The following CPSF4L variants were observed in gnomAD, a reference collection of about 807,000 sequenced individuals.
The protein encoded by CPSF4L is cleavage and polyadenylation specific factor 4 like, also known as putative cleavage and polyadenylation specificity factor subunit 4-like protein.
A neutral mutation model predicts 24.0 loss-of-function variants in CPSF4L; 18 were observed. The observed-to-expected ratio is 0.75, with a 90% CI of 0.52 to 1.11. The LOEUF is 1.11. Among genes scored for constraint, CPSF4L ranks in the 50% least tolerant of loss-of-function variants. The pLI, the probability that CPSF4L is intolerant of heterozygous loss-of-function variation, is 0.00. For synonymous variants in CPSF4L, 72 were observed against 77.2 expected (o/e 0.93, Z 0.35); for missense variants, 211 against 221.8 (o/e 0.95, Z 0.31).
At chr17:73,260,873 G>A (rs1253156199) in intron 2 of CPSF4L, 60 bp downstream of exon 2, 1 of 1,420,542 alleles carries the variant, frequency 7.0e-7, no homozygotes, top group East Asian at 2.5e-5. Context: ...CCTGCTGGGT[G>A]TAGCTCAGAC....
intron 2 of CPSF4L, 52 bp downstream of exon 2, chr17:73,260,881 G>C (rs766302069): frequency 2.7e-6 from 4 of 1,478,316 alleles, no homozygotes; most frequent in Admixed American, 2.0e-5. Flanking sequence ...GTGTAGCTCA[G>C]ACAGACCCTA....
At chr17:73,242,759 T>A in the CPSF4L span, 1 of 641,796 alleles carries the variant, frequency 1.6e-6, no homozygotes, top group South Asian at 2.0e-5. Flanking sequence ...TTAGCCTTTA[T>A]GTGTTTAAAA....
chr17:73,251,768 T>C (rs554379408), intron 5 of CPSF4L, among the ~76,000 whole-genome samples: 1 of 152,380 alleles, frequency 6.6e-6, no homozygotes, highest in South Asian at 2.1e-4. Context: ...CCACAGGCTG[T>C]AGTTTACCAA....
chr17:73,263,260 C>T (rs1386537164), upstream of CPSF4L, among the ~76,000 whole-genome samples: 1 of 152,206 alleles, frequency 6.6e-6, no homozygotes, highest in East Asian at 1.9e-4. Context: ...GAGGCCAAGA[C>T]CACATGGTTT....
chr17:73,258,541 A>T (rs1599414812), intron 2 of CPSF4L, among the ~76,000 whole-genome samples: 2 of 151,824 alleles, frequency 1.3e-5, no homozygotes, highest in Non-Finnish European at 2.9e-5. Flanking sequence ...ATCTCAGGTG[A>T]TCCATCCGCC....
Position 73,249,691 on chromosome 17 carries a change from G to T in CPSF4L, c.498-1155C>A, listed in dbSNP as rs528889973. The T allele has an allele frequency of 3.3e-5, 5 of 152,080 alleles. No homozygotes were observed. In the East Asian group the frequency reaches 5.8e-4, roughly 18 times the overall value. The allele number at this position is 152,080 out of a possible 1,614,324, so 9.4% of individuals were successfully genotyped here. A position where few individuals can be genotyped will look rare whatever the true frequency, so the allele number is the denominator to read the frequency against. ...AAGTTGCTTGGTATTGGCCTTTCATGATGGCATTAAAAGATGGTAATACCG... is the reference window on the plus strand; with the variant it reads ...AAGTTGCTTGGTATTGGCCTTTCATTATGGCATTAAAAGATGGTAATACCG... On this transcript the variant is annotated intron_variant, in intron 5 of 5. Transcript: ENST00000344935.
chr17:73,257,923 T>C, intron 2 of CPSF4L, 90 bp from the exon 3 acceptor site: 1 of 1,376,088 alleles, frequency 7.3e-7, no homozygotes, highest in Non-Finnish European at 9.9e-7. Flanking sequence ...GGAGGGTACC[T>C]GACTCAGTCC....
intron 4 of CPSF4L, 111 bp downstream of exon 4, chr17:73,253,820 T>G: frequency 1.6e-6 from 1 of 639,554 alleles, no homozygotes; most frequent in Admixed American, 2.9e-5. Flanking sequence ...AGGCCTTCTA[T>G]TTGGGGTTTC....
chr17:73,258,591 C>T (rs1433737454), intron 2 of CPSF4L, among the ~76,000 whole-genome samples: 2 of 152,188 alleles, frequency 1.3e-5, no homozygotes, highest in African/African-American at 4.8e-5. Flanking sequence ...CTTGAGCCAC[C>T]GTGACTGGCC....
At chr17:73,261,012 T>G in intron 1 of CPSF4L, 29 bp from the exon 2 acceptor site, 1 of 1,542,490 alleles carries the variant, frequency 6.5e-7, no homozygotes. Flanking sequence ...ACGGAGAAGG[T>G]AGCTTCCCCA....
chr17:73,248,615 G>A, intron 5 of CPSF4L, 79 bp from the exon 6 acceptor site: 1 of 1,415,870 alleles, frequency 7.1e-7, no homozygotes, highest in Non-Finnish European at 9.8e-7. Context: ...CCGCAGAAGA[G>A]GCATGGTGAC....
chr17:73,249,429 G>C (rs370607305), intron 5 of CPSF4L, among the ~76,000 whole-genome samples: 145 of 152,238 alleles, frequency 9.5e-4, no homozygotes, highest in African/African-American at 3.2e-3. Context: ...ACGTAGCTCT[G>C]TGCTGTTCAT....
At chr17:73,251,188 G>C in intron 5 of CPSF4L, 4 of 1,368,794 alleles carry the variant, frequency 2.9e-6, no homozygotes, top group African/African-American at 1.5e-5. Context: ...CCGGGACGCT[G>C]GCCATGCATT....
intron 2 of CPSF4L, among the ~76,000 whole-genome samples, chr17:73,259,645 T>C (rs1480729026): frequency 4.6e-5 from 7 of 152,170 alleles, no homozygotes; most frequent in East Asian, 3.9e-4. Context: ...TCAGTCCACA[T>C]TGAGCCTGCA....
the CPSF4L span, chr17:73,242,402 GAA>G: frequency 1.5e-6 from 2 of 1,293,018 alleles, no homozygotes; most frequent in Non-Finnish European, 2.1e-6. Flanking sequence ...TGGGCATTTG[GAA>G]AAGTTTCTCT....
Position 73,261,847 on chromosome 17 carries a change from C to G in CPSF4L, c.-29G>C. On this transcript the variant is annotated 5_prime_UTR_variant, in exon 1 of 6. Transcript: ENST00000344935. Reference sequence around the variant, plus strand: ...CCGTCTCCTGCTGGGGCTGCGGAAGCTGCTGGAACCCAGGCAGGTGGGCCC... The same window carrying G: ...CCGTCTCCTGCTGGGGCTGCGGAAGGTGCTGGAACCCAGGCAGGTGGGCCC... 1 of 1,520,824 alleles carries G rather than the reference C, an allele frequency of 6.6e-7. No individual in the cohort carries two copies. Among genetic ancestry groups the G allele is most frequent in the Non-Finnish European group, 8.9e-7 (1 of 1,119,180 alleles). 94.2% of individuals were successfully genotyped at this position (1,520,824 alleles called of 1,614,324 possible).
intron 5 of CPSF4L, 183 bp from the exon 6 acceptor site, chr17:73,248,719 G>A (rs1212209824): frequency 6.1e-6 from 4 of 651,716 alleles, no homozygotes; most frequent in Admixed American, 2.4e-5. Flanking sequence ...TACCCCGGCT[G>A]TAACTCACAC....
In CPSF4L at chr17:73,261,733, G is replaced by A. The variant is rs937434175; in HGVS notation, c.86C>T (p.Pro29Leu). The change falls in exon 1 of 6, where the codon CCT becomes CTT. Residue 29 changes from proline (P) to leucine (L), a missense_variant. Physicochemically the swap from Pro to Leu is moderately conservative, Grantham distance 98 (BLOSUM62 -3). Coordinates refer to ENST00000344935, the MANE Select transcript of CPSF4L (RefSeq NM_001129885.1). ...VEMQKGTGLLPFQGMDKSASA... is the reference protein window; with the variant it reads ...VEMQKGTGLLLFQGMDKSASA... ...TCACTCACTGTCCATGCCCTGGAAA[G>A]GCAGGAGCCCAGTGCCCTTCTGCAT... is the stretch of plus-strand genomic sequence containing the variant. 6.5e-7 allele frequency: 1 copy of A among 1,550,134 alleles called. No individual in the cohort carries two copies.
At chr17:73,248,839 T>G (rs2061987764) in intron 5 of CPSF4L, 4 of 331,792 alleles carry the variant, frequency 1.2e-5, no homozygotes. Context: ...CACATTAAAA[T>G]TTATTTTAGC....
Sources: allele counts gnomAD v4.1 joint callset (sites outside exome capture counted in the v4.1 genomes callset), GRCh38; gene constraint gnomAD v4.1.1; transcripts MANE v1.5; gene names NCBI Gene and HGNC (gene_info 2026-07-23, HGNC 2026-07-21).